Variants in PARM1 observed in about 807,000 individuals in gnomAD.
PARM1 encodes the protein WSC4, cell wall integrity and stress response component 4 homolog.
A neutral mutation model predicts 24.6 loss-of-function variants in PARM1; 14 were observed. The ratio of observed to expected loss-of-function variants is 0.57; its 90% CI spans 0.38 to 0.89. The LOEUF (loss-of-function observed/expected upper bound fraction) is 0.89, where lower values mean the gene tolerates loss of function less well. PARM1 is among the 40% of genes least tolerant of loss of function. The probability of loss-of-function intolerance (pLI) is 0.00; values close to 1 mark genes in which losing one functional copy is unlikely to be tolerated. For synonymous variants in PARM1, 179 were observed against 156.6 expected, an observed-to-expected ratio of 1.14 and a Z score of -1.07; for missense variants, 362 against 380.4, an observed-to-expected ratio of 0.95 and a Z score of 0.40.
intron 1 of PARM1, among the ~76,000 whole-genome samples, chr4:74,981,249 C>T (rs1461711291): frequency 1.3e-5 from 2 of 152,104 alleles, no homozygotes; most frequent in East Asian, 1.9e-4. Context: ...CTACAAGGAA[C>T]TTAAACAAAT....
In PARM1 at chr4:74,933,247, G is replaced by A; in HGVS notation, c.-81G>A. 1.6e-6 allele frequency: 2 copies of A among 1,290,216 alleles called. No homozygotes were observed. The highest frequency in any genetic ancestry group is 3.7e-4 in the Middle Eastern group (2 of 5,398). 79.9% of individuals were successfully genotyped at this position (1,290,216 alleles called of 1,614,324 possible). ...CCGCAGCCCACCCGGCAGAGGAGTC[G>A]CTACCAGCGCCCAGTGCGCTCTGTC... On this transcript the variant is annotated 5_prime_UTR_variant, in exon 1 of 4. Transcript: ENST00000307428.
intron 1 of PARM1, among the ~76,000 whole-genome samples, chr4:74,998,309 T>A (rs1401182720): frequency 2.0e-5 from 3 of 152,190 alleles, no homozygotes; most frequent in Non-Finnish European, 4.4e-5. Context: ...GCAAACTCTG[T>A]AGTTAAAGCA....
At chr4:74,995,748 G>A (rs1008794254) in intron 1 of PARM1, among the ~76,000 whole-genome samples, 2 of 152,024 alleles carry the variant, frequency 1.3e-5, no homozygotes, top group East Asian at 1.9e-4. Flanking sequence ...TCCTCTCCGC[G>A]GCAGCCCCTA....
At chr4:74,933,854 C>T (rs980514836) in intron 1 of PARM1, among the ~76,000 whole-genome samples, 1 of 152,108 alleles carries the variant, frequency 6.6e-6, no homozygotes, top group Non-Finnish European at 1.5e-5. Context: ...TTTGCTTTCT[C>T]GAGTCTTGGC....
At chr4:75,008,468 C>T (rs1224124470) in intron 1 of PARM1, among the ~76,000 whole-genome samples, 1 of 152,198 alleles carries the variant, frequency 6.6e-6, no homozygotes, top group Non-Finnish European at 1.5e-5. Flanking sequence ...GCTTTTAGCT[C>T]CACTGGAAAC....
chr4:74,976,228 G>A (rs1722136676), intron 1 of PARM1, among the ~76,000 whole-genome samples: 1 of 152,210 alleles, frequency 6.6e-6, no homozygotes, highest in African/African-American at 2.4e-5. Context: ...GAGGGGTGAT[G>A]ACCATCACTG....
chr4:74,979,979 G>A (rs990294123), intron 1 of PARM1, among the ~76,000 whole-genome samples: 1 of 152,120 alleles, frequency 6.6e-6, no homozygotes, highest in African/African-American at 2.4e-5. Context: ...AAAATAATAA[G>A]AGCCATTTAT....
chr4:75,020,716 C>T (rs919757148), intron 2 of PARM1, among the ~76,000 whole-genome samples: 2 of 152,194 alleles, frequency 1.3e-5, no homozygotes, highest in Non-Finnish European at 2.9e-5. Context: ...GCTCTCTGCA[C>T]CACCCACACT....
intron 1 of PARM1, among the ~76,000 whole-genome samples, chr4:75,009,251 G>T (rs1050850858): frequency 6.6e-6 from 1 of 152,142 alleles, no homozygotes; most frequent in Non-Finnish European, 1.5e-5. Flanking sequence ...CAATTATTTT[G>T]ATGACAATCC....
At chr4:74,982,970 G>A (rs1002025868) in intron 1 of PARM1, among the ~76,000 whole-genome samples, 6 of 151,904 alleles carry the variant, frequency 3.9e-5, no homozygotes, top group East Asian at 1.9e-4. Context: ...ACTGCAACAG[G>A]AAAAAAAAGT....
At chr4:75,034,037 A>G in intron 3 of PARM1, 76 bp downstream of exon 3, 2 of 1,193,396 alleles carry the variant, frequency 1.7e-6, no homozygotes, top group South Asian at 1.4e-5. Flanking sequence ...TTTGCTGGAT[A>G]CTTGTTCCTT....
chr4:75,042,393 T>G (rs897885330), intron 3 of PARM1, among the ~76,000 whole-genome samples: 1 of 152,198 alleles, frequency 6.6e-6, no homozygotes, highest in South Asian at 2.1e-4. Context: ...TACAATGACA[T>G]CATTCATCCA....
At chr4:74,935,399 A>G (rs536040726) in intron 1 of PARM1, among the ~76,000 whole-genome samples, 2 of 152,322 alleles carry the variant, frequency 1.3e-5, no homozygotes, top group East Asian at 1.9e-4. Flanking sequence ...ATACCTCATG[A>G]GATTCTTTGC....
chr4:75,027,290 C>T (rs1441944990), intron 2 of PARM1, among the ~76,000 whole-genome samples: 2 of 152,076 alleles, frequency 1.3e-5, no homozygotes, highest in African/African-American at 4.8e-5. Flanking sequence ...TCTCTACACA[C>T]CACACTGTCC....
At chr4:74,975,707 G>C (rs1722129070) in intron 1 of PARM1, among the ~76,000 whole-genome samples, 1 of 152,122 alleles carries the variant, frequency 6.6e-6, no homozygotes, top group South Asian at 2.1e-4. Flanking sequence ...ACCTCACAAT[G>C]GCTTGAGTTT....
intron 2 of PARM1, among the ~76,000 whole-genome samples, chr4:75,029,287 G>A (rs1274496784): frequency 1.3e-5 from 2 of 152,166 alleles, no homozygotes; most frequent in African/African-American, 4.8e-5. Flanking sequence ...GTTTACTCTG[G>A]CTGCTTCCAG....
At chr4:74,953,639 G>A (rs1721573032) in intron 1 of PARM1, among the ~76,000 whole-genome samples, 1 of 152,198 alleles carries the variant, frequency 6.6e-6, no homozygotes, top group Non-Finnish European at 1.5e-5. Flanking sequence ...TAAGGGGTGA[G>A]CAGGTCAACC....
intron 1 of PARM1, among the ~76,000 whole-genome samples, chr4:74,982,501 A>T (rs1293751222): frequency 1.3e-5 from 2 of 152,210 alleles, no homozygotes; most frequent in East Asian, 3.8e-4. Flanking sequence ...AAACACATTC[A>T]CATAACTTTT....
chr4:74,945,335 T>C (rs773609061), intron 1 of PARM1, among the ~76,000 whole-genome samples: 14 of 152,230 alleles, frequency 9.2e-5, no homozygotes, highest in Non-Finnish European at 2.9e-5. Context: ...AGTTGAGATA[T>C]TATGAATATT....
Sources: allele counts gnomAD v4.1 joint callset (sites outside exome capture counted in the v4.1 genomes callset), GRCh38; gene constraint gnomAD v4.1.1; transcripts MANE v1.5; gene names NCBI Gene and HGNC (gene_info 2026-07-23, HGNC 2026-07-21).